The following LHFPL6 variants were observed in gnomAD, a reference collection of about 807,000 sequenced individuals.
LHFPL6 encodes LHFPL tetraspan subfamily member 6.
Under a neutral mutation model 20.6 loss-of-function variants are expected in LHFPL6, and 9 were observed. The ratio of observed to expected loss-of-function variants is 0.44; its 90% CI spans 0.26 to 0.76. The LOEUF is 0.76. Among genes scored for constraint, LHFPL6 ranks in the 30% least tolerant of loss-of-function variants. The pLI is 0.20. For missense variants in LHFPL6, 218 were observed against 253.5 expected (o/e 0.86, Z 0.95); for synonymous variants, 105 against 98.7 (o/e 1.06, Z -0.38).
intron 2 of LHFPL6, among the ~76,000 whole-genome samples, chr13:39,464,958 C>G (rs1872767201): frequency 6.6e-6 from 1 of 152,134 alleles, no homozygotes; most frequent in Non-Finnish European, 1.5e-5. Context: ...GGAGTACTGT[C>G]TTCTAATAGG....
At chr13:39,488,813 C>T (rs902571747) in intron 2 of LHFPL6, among the ~76,000 whole-genome samples, 1 of 152,112 alleles carries the variant, frequency 6.6e-6, no homozygotes, top group Admixed American at 6.6e-5. Context: ...AGATATTTAT[C>T]ATAGATAGCA....
Position 39,586,378 on chromosome 13 carries a change from G to C in LHFPL6, c.385+14454C>G, listed in dbSNP as rs976091404. On this transcript the variant is annotated intron_variant, in intron 2 of 3. Transcript: ENST00000379589. The stretch of plus-strand genomic sequence containing the variant: ...CAATATGCAAATGATTCTAAAATCA[G>C]AGATATGCACATTGTAACACTGTAT... 2.6e-5 allele frequency among the ~76,000 whole-genome samples: 4 copies of C among 152,294 alleles called. No individual in the cohort carries two copies. The East Asian group carries it at 7.7e-4, about 29-fold the overall frequency.
chr13:39,435,005 G>T (rs918780361), intron 2 of LHFPL6, among the ~76,000 whole-genome samples: 1 of 135,506 alleles, frequency 7.4e-6, no homozygotes, highest in Non-Finnish European at 1.5e-5. Flanking sequence ...GCAGTGAGCC[G>T]AGATTGCGCC....
At chr13:39,480,419 T>G (rs982710810) in intron 2 of LHFPL6, among the ~76,000 whole-genome samples, 1 of 152,196 alleles carries the variant, frequency 6.6e-6, no homozygotes. Context: ...CCTCCTCAAC[T>G]GGCCCTGTCA....
intron 2 of LHFPL6, among the ~76,000 whole-genome samples, chr13:39,553,888 C>T (rs9566457): frequency 0.82 from 125,029 of 152,128 alleles, 51,490 homozygotes; most frequent in Middle Eastern, 0.86. Context: ...CGATGGCAGA[C>T]AATCAGTGAA....
At chr13:39,510,275 C>G (rs1927210) in intron 2 of LHFPL6, among the ~76,000 whole-genome samples, 3,584 of 152,340 alleles carry the variant, frequency 0.024, 142 homozygotes, top group African/African-American at 0.082. Context: ...CTGAGCAGCA[C>G]TGGTTTATAA....
At chr13:39,497,275 G>A (rs750539665) in intron 2 of LHFPL6, among the ~76,000 whole-genome samples, 1 of 152,138 alleles carries the variant, frequency 6.6e-6, no homozygotes, top group Non-Finnish European at 1.5e-5. Flanking sequence ...TGTACTTACC[G>A]GCATTGACTT....
chr13:39,582,690 G>C (rs1236962421), intron 2 of LHFPL6, among the ~76,000 whole-genome samples: 1 of 152,164 alleles, frequency 6.6e-6, no homozygotes, highest in Non-Finnish European at 1.5e-5. Flanking sequence ...GACAGACGAT[G>C]ACCTTGTTCC....
At chr13:39,550,293 T>G (rs1871111136) in intron 2 of LHFPL6, among the ~76,000 whole-genome samples, 1 of 152,108 alleles carries the variant, frequency 6.6e-6, no homozygotes, top group African/African-American at 2.4e-5. Context: ...GAGGGAACTG[T>G]CTGGGAGTGA....
chr13:39,409,618 C>T (rs1322442968), intron 2 of LHFPL6, among the ~76,000 whole-genome samples: 1 of 152,146 alleles, frequency 6.6e-6, no homozygotes, highest in East Asian at 1.9e-4. Context: ...GATTCAAATG[C>T]CTGCCTTCCA....
intron 2 of LHFPL6, among the ~76,000 whole-genome samples, chr13:39,456,863 C>A (rs1332991812): frequency 6.6e-6 from 1 of 151,142 alleles, no homozygotes. Flanking sequence ...ATGGCGTGAT[C>A]TCGGCTCACT....
chr13:39,426,522 ATTTAC>A (rs1230278153), intron 2 of LHFPL6, among the ~76,000 whole-genome samples: 4 of 152,196 alleles, frequency 2.6e-5, no homozygotes, highest in Admixed American at 1.3e-4. Flanking sequence ...GCCTGGCCTA[ATTTAC>A]TTTATTTTCT....
intron 2 of LHFPL6, among the ~76,000 whole-genome samples, chr13:39,517,667 T>A (rs192185997): frequency 6.6e-6 from 1 of 152,282 alleles, no homozygotes; most frequent in Non-Finnish European, 1.5e-5. Context: ...ACAGTTTCCA[T>A]GTACACCTTT....
intron 2 of LHFPL6, among the ~76,000 whole-genome samples, chr13:39,584,713 T>G (rs1405872915): frequency 3.3e-5 from 5 of 152,036 alleles, no homozygotes; most frequent in African/African-American, 9.7e-5. Flanking sequence ...GATTATAATT[T>G]TCCCTTTAGA....
intron 2 of LHFPL6, among the ~76,000 whole-genome samples, chr13:39,442,572 A>G: frequency 6.6e-6 from 1 of 152,218 alleles, no homozygotes; most frequent in East Asian, 1.9e-4. Context: ...TGGAGACAGA[A>G]CCAATTCTGG....
At chr13:39,531,069 A>G (rs1045352582) in intron 2 of LHFPL6, among the ~76,000 whole-genome samples, 6 of 152,206 alleles carry the variant, frequency 3.9e-5, no homozygotes, top group African/African-American at 1.4e-4. Flanking sequence ...TCTACTTTTC[A>G]CAGAGTAATT....
At chr13:39,429,507 G>A (rs1421156668) in intron 2 of LHFPL6, among the ~76,000 whole-genome samples, 1 of 151,916 alleles carries the variant, frequency 6.6e-6, no homozygotes, top group Non-Finnish European at 1.5e-5. Flanking sequence ...AATTTAAAGT[G>A]CATTTCTTAT....
chr13:39,532,160 C>T (rs1276615168), intron 2 of LHFPL6, among the ~76,000 whole-genome samples: 3 of 152,078 alleles, frequency 2.0e-5, no homozygotes, highest in Non-Finnish European at 2.9e-5. Context: ...ATTCACCTAC[C>T]CTAAACCCTT....
At chr13:39,561,859 T>C (rs1871493078) in intron 2 of LHFPL6, among the ~76,000 whole-genome samples, 1 of 152,198 alleles carries the variant, frequency 6.6e-6, no homozygotes, top group Admixed American at 6.5e-5. Context: ...GGGCTTTCAC[T>C]TGATTCTCAC....
Sources: allele counts gnomAD v4.1 joint callset (sites outside exome capture counted in the v4.1 genomes callset), GRCh38; gene constraint gnomAD v4.1.1; transcripts MANE v1.5; gene names NCBI Gene and HGNC (gene_info 2026-07-23, HGNC 2026-07-21).